The following PHEX variants were observed in gnomAD, a reference collection of about 807,000 sequenced individuals.
PHEX encodes phosphate-regulating neutral endopeptidase PHEX.
In PHEX, 16 loss-of-function variants were observed where a neutral mutation model predicts 68.0. That is an observed-to-expected ratio of 0.24 (90% CI 0.16 to 0.36). PHEX has a LOEUF of 0.36. Ranked by LOEUF, PHEX falls within the 10% of genes least tolerant of loss-of-function variation. The pLI, the probability that PHEX is intolerant of heterozygous loss-of-function variation, is 1.00. For missense variants in PHEX, 480 were observed against 575.5 expected, an observed-to-expected ratio of 0.83 and a Z score of 1.70; for synonymous variants, 208 against 205.1, an observed-to-expected ratio of 1.01 and a Z score of -0.12.
chrX:22,218,974 A>G lies in PHEX; in HGVS notation c.1701-62A>G, dbSNP rs1161955053. ...ATCTTGGCTTTCCATTGAAAAAATTAAAGGATTATGCTCTGAGATTCATGC... is the reference window on the plus strand; with the variant it reads ...ATCTTGGCTTTCCATTGAAAAAATTGAAGGATTATGCTCTGAGATTCATGC... On this transcript the variant is annotated intron_variant, in intron 16 of 21. Coordinates refer to ENST00000379374, the MANE Select transcript of PHEX (RefSeq NM_000444.6). 4 of 802,828 alleles carry G rather than the reference A, an allele frequency of 5.0e-6. No individual in the cohort carries two copies. In the Admixed American group the frequency reaches 8.9e-5, roughly 18 times the overall value. 66.2% of individuals were successfully genotyped at this position (802,828 alleles called of 1,213,427 possible).
At chrX:22,062,221 G>A (rs1928400545) in intron 3 of PHEX, among the ~76,000 whole-genome samples, 1 of 111,398 alleles carries the variant, frequency 9.0e-6, no homozygotes, top group Non-Finnish European at 1.9e-5. Context: ...AGATTTGGGT[G>A]GAGACAGAGC....
intron 20 of PHEX, among the ~76,000 whole-genome samples, chrX:22,234,345 A>C (rs1395489571): frequency 1.8e-5 from 2 of 112,194 alleles, no homozygotes; most frequent in Admixed American, 1.9e-4. Context: ...AGGGACGTTT[A>C]AGTCTGCTGA....
intron 12 of PHEX, among the ~76,000 whole-genome samples, chrX:22,150,756 G>C (rs1234956548): frequency 8.9e-6 from 1 of 112,180 alleles, no homozygotes; most frequent in Admixed American, 9.4e-5. Flanking sequence ...AAATGGTTTT[G>C]AAAGAGGTTA....
chrX:22,217,199 A>G (rs1446977020), intron 16 of PHEX, among the ~76,000 whole-genome samples: 1 of 112,269 alleles, frequency 8.9e-6, no homozygotes. Context: ...TGCAATCTGC[A>G]CACTGATAGC....
At chrX:22,195,210 T>C in intron 15 of PHEX, among the ~76,000 whole-genome samples, 1 of 112,052 alleles carries the variant, frequency 8.9e-6, no homozygotes, top group East Asian at 2.8e-4. Context: ...AAACCTGGCA[T>C]GCCAGGAATC....
At position 22,209,955 on chromosome X, in the gene PHEX, AT is replaced by A. The variant is rs199629003; in HGVS notation, c.1646-2948del. On this transcript the variant is annotated intron_variant, in intron 15 of 21. Transcript: ENST00000379374. ...GTTGAAATGGTAAAAAAAAAAAAAA[AT>A]AAATAAATAAAAATAAAAAGGAAAT... 5.0e-4 allele frequency among the ~76,000 whole-genome samples: 54 copies of A among 108,120 alleles called. 1 individual carries two copies. In the South Asian group the frequency reaches 8.8e-3, roughly 18 times the overall value. The allele number at this position is 108,120 out of a possible 115,157, so 93.9% of individuals were successfully genotyped here.
chrX:22,194,013 C>G (rs1934285830), intron 15 of PHEX, among the ~76,000 whole-genome samples: 1 of 111,502 alleles, frequency 9.0e-6, no homozygotes, highest in African/African-American at 3.3e-5. Flanking sequence ...TCACTGAAGG[C>G]TTACTGCTCC....
At chrX:22,129,250 T>C (rs1931876243) in intron 11 of PHEX, among the ~76,000 whole-genome samples, 1 of 111,328 alleles carries the variant, frequency 9.0e-6, no homozygotes, top group Non-Finnish European at 1.9e-5. Flanking sequence ...CAGAATGGTG[T>C]GCAATTTAAA....
At chrX:22,141,672 G>T (rs1016777922) in intron 12 of PHEX, among the ~76,000 whole-genome samples, 1 of 110,811 alleles carries the variant, frequency 9.0e-6, no homozygotes, top group Non-Finnish European at 1.9e-5. Flanking sequence ...CTTTCAAAAA[G>T]TATATTTCTG....
intron 14 of PHEX, 145 bp from the exon 15 acceptor site, chrX:22,190,299 C>G (rs1934156838): frequency 5.4e-6 from 3 of 556,020 alleles, no homozygotes; most frequent in Non-Finnish European, 9.8e-6. Flanking sequence ...TAGCCCCAAA[C>G]TGAGGGAATA....
At chrX:22,207,756 A>C (rs1934757406) in intron 15 of PHEX, among the ~76,000 whole-genome samples, 1 of 111,950 alleles carries the variant, frequency 8.9e-6, no homozygotes, top group African/African-American at 3.2e-5. Flanking sequence ...TAATTTTAGT[A>C]ATATATTTTA....
In PHEX at chrX:22,032,963, C is replaced by T. The variant is rs1926862241; in HGVS notation, c.-43C>T. The T allele has an allele frequency of 8.5e-6, 9 of 1,059,794 alleles. No homozygotes were observed. Among genetic ancestry groups the T allele is most frequent in the South Asian group, 1.9e-5 (1 of 53,920 alleles). The allele number at this position is 1,059,794 out of a possible 1,213,427, so 87.3% of individuals were successfully genotyped here. A position where few individuals can be genotyped will look rare whatever the true frequency, so the allele number is the denominator to read the frequency against. On this transcript the variant is annotated 5_prime_UTR_variant, in exon 1 of 22. The change creates a new upstream start codon in the 5' untranslated region. Coordinates refer to ENST00000379374, the MANE Select transcript of PHEX (RefSeq NM_000444.6). ...GCTCTTGAGACCAGCCACCAAACCA[C>T]GAAAAGTGACTTTCTTCTCGTGTGC... is the stretch of plus-strand genomic sequence containing the variant.
At chrX:22,091,705 A>G (rs1241229838) in intron 6 of PHEX, among the ~76,000 whole-genome samples, 1 of 111,997 alleles carries the variant, frequency 8.9e-6, no homozygotes, top group East Asian at 2.8e-4. Flanking sequence ...CCCCCAACAA[A>G]AGCAGCTTGC....
At chrX:22,237,827 G>GTTCAATTCACACTTGAAGACCATATCA (rs1936035285) in intron 20 of PHEX, among the ~76,000 whole-genome samples, 1 of 112,147 alleles carries the variant, frequency 8.9e-6, no homozygotes, top group African/African-American at 3.2e-5. Flanking sequence ...ATGTGTCCTA[G>GTTCAATTCACACTTGAAGACCATATCA]TTCAATTCAC....
intron 12 of PHEX, among the ~76,000 whole-genome samples, chrX:22,151,918 C>T (rs2147103408): frequency 8.9e-6 from 1 of 111,759 alleles, no homozygotes; most frequent in South Asian, 3.8e-4. Context: ...TAAAAGCATA[C>T]TTAAAATTCT....
intron 20 of PHEX, among the ~76,000 whole-genome samples, chrX:22,237,775 T>C (rs149598086): frequency 2.9e-3 from 323 of 112,395 alleles, no homozygotes; most frequent in Non-Finnish European, 4.5e-3. Flanking sequence ...CATGTCTTTG[T>C]TCCCATTTCC....
intron 20 of PHEX, among the ~76,000 whole-genome samples, chrX:22,234,641 A>T (rs1390108564): frequency 9.1e-6 from 1 of 110,177 alleles, no homozygotes. Flanking sequence ...GTCCCAGGTC[A>T]ATCTCAGACT....
chrX:22,209,479 C>T (rs895478347), intron 15 of PHEX, among the ~76,000 whole-genome samples: 1 of 108,184 alleles, frequency 9.2e-6, no homozygotes, highest in Non-Finnish European at 1.9e-5. Flanking sequence ...AGAGCTTTTT[C>T]CATATCGCCA....
chrX:22,207,762 TTTTA>T (rs1303279608), intron 15 of PHEX, among the ~76,000 whole-genome samples: 7 of 111,796 alleles, frequency 6.3e-5, no homozygotes, highest in African/African-American at 1.6e-4. Flanking sequence ...TAGTAATATA[TTTTA>T]TTTAACCCTA....
Sources: gnomAD v4.1 joint callset for allele counts (sites outside exome capture counted in the v4.1 genomes callset) on GRCh38, gnomAD v4.1.1 for gene constraint, MANE v1.5 for transcripts, NCBI Gene and HGNC (gene_info 2026-07-23, HGNC 2026-07-21) for gene names.